CLVS1: variants seen among roughly 807,000 people sequenced by gnomAD.
CLVS1 encodes the protein clavesin-1.
In CLVS1, 10 loss-of-function variants were observed where a neutral mutation model predicts 33.1. That is an observed-to-expected ratio of 0.30 (90% CI 0.19 to 0.51). The LOEUF (loss-of-function observed/expected upper bound fraction) is 0.51, where lower values mean the gene tolerates loss of function less well. Among genes scored for constraint, CLVS1 ranks in the 20% least tolerant of loss-of-function variants. The pLI is 0.97. For missense variants in CLVS1, 343 were observed against 433.4 expected (o/e 0.79, Z 1.85); for synonymous variants, 163 against 166.1 (o/e 0.98, Z 0.14).
intron 3 of CLVS1, among the ~76,000 whole-genome samples, chr8:61,385,676 T>C (rs1243773714): frequency 6.6e-6 from 1 of 152,244 alleles, no homozygotes; most frequent in East Asian, 1.9e-4. Flanking sequence ...TCTGTCCATC[T>C]CTCAGTCTCA....
At chr8:61,338,041 G>A (rs948868180) in intron 2 of CLVS1, among the ~76,000 whole-genome samples, 1 of 152,080 alleles carries the variant, frequency 6.6e-6, no homozygotes, top group African/African-American at 2.4e-5. Flanking sequence ...TTGAGACTTG[G>A]CACCCTGATA....
At chr8:61,026,614 C>T in the CLVS1 span, among the ~76,000 whole-genome samples, 11 of 152,304 alleles carry the variant, frequency 7.2e-5, no homozygotes, top group Non-Finnish European at 1.6e-4. Flanking sequence ...CTGCTGAATC[C>T]TCCGCAAACC....
chr8:61,006,315 T>C, the CLVS1 span, among the ~76,000 whole-genome samples: 1 of 152,186 alleles, frequency 6.6e-6, no homozygotes, highest in Non-Finnish European at 1.5e-5. Flanking sequence ...GAGCCCTTGA[T>C]GGTTCTGCAG....
intron 2 of CLVS1, among the ~76,000 whole-genome samples, chr8:61,350,259 G>A (rs1269006227): frequency 6.6e-6 from 1 of 152,054 alleles, no homozygotes; most frequent in Non-Finnish European, 1.5e-5. Context: ...TCTCCTGAGG[G>A]TTTTTGACCA....
At chr8:61,223,100 C>T (rs1481676390) in intron 2 of CLVS1, among the ~76,000 whole-genome samples, 1 of 151,914 alleles carries the variant, frequency 6.6e-6, no homozygotes, top group Non-Finnish European at 1.5e-5. Flanking sequence ...CTCCTGAATA[C>T]AGCACACTGA....
At chr8:61,471,165 G>A (rs184531820) in intron 5 of CLVS1, among the ~76,000 whole-genome samples, 1 of 152,228 alleles carries the variant, frequency 6.6e-6, no homozygotes, top group Non-Finnish European at 1.5e-5. Context: ...ATAATACCTT[G>A]GGCAGGCCAT....
At chr8:61,373,309 C>T (rs1040685573) in intron 2 of CLVS1, among the ~76,000 whole-genome samples, 1 of 152,182 alleles carries the variant, frequency 6.6e-6, no homozygotes, top group East Asian at 1.9e-4. Context: ...TTCCTGCCTG[C>T]CCAGTTTCTC....
At position 61,324,316 on chromosome 8, in the gene CLVS1, G is replaced by A. The variant is rs529161107; in HGVS notation, c.455+24034G>A. 2.7e-5 allele frequency among the ~76,000 whole-genome samples: 4 copies of A among 150,720 alleles called. No individual in the cohort carries two copies. The South Asian group carries it at 8.5e-4, about 32-fold the overall frequency. ...GTGAATAAGTCTCATGAGATTGGAT[G>A]GTTTTATCAGGGGTTTCTGCTTTTG... On this transcript the variant is annotated intron_variant, in intron 2 of 5. Transcript: ENST00000325897.
chr8:61,357,600 G>T (rs1812790730), intron 2 of CLVS1, among the ~76,000 whole-genome samples: 1 of 141,564 alleles, frequency 7.1e-6, no homozygotes, highest in Non-Finnish European at 1.5e-5. Context: ...TCCCCTCCTA[G>T]GTTCAAGAGA....
chr8:61,252,966 A>T (rs1298423241), intron 2 of CLVS1, among the ~76,000 whole-genome samples: 1 of 152,060 alleles, frequency 6.6e-6, no homozygotes, highest in Non-Finnish European at 1.5e-5. Flanking sequence ...TGTCATTTTG[A>T]TGTTAGCTGG....
chr8:61,464,419 C>T (rs899227840), intron 5 of CLVS1, among the ~76,000 whole-genome samples: 1 of 152,200 alleles, frequency 6.6e-6, no homozygotes, highest in African/African-American at 2.4e-5. Context: ...CCCCCAACCC[C>T]CTGTCTTTAA....
the CLVS1 span, among the ~76,000 whole-genome samples, chr8:60,991,310 T>G: frequency 6.6e-6 from 1 of 152,186 alleles, no homozygotes; most frequent in Non-Finnish European, 1.5e-5. Context: ...GTCATATGTG[T>G]ATAGGCAGAA....
intron 2 of CLVS1, among the ~76,000 whole-genome samples, chr8:61,303,808 C>T (rs746279923): frequency 3.9e-5 from 6 of 152,114 alleles, no homozygotes; most frequent in Non-Finnish European, 8.8e-5. Context: ...AATGACATAA[C>T]GCACTGAAAA....
chr8:61,147,780 G>A (rs1372837229), intron 2 of CLVS1, among the ~76,000 whole-genome samples: 7 of 152,204 alleles, frequency 4.6e-5, no homozygotes, highest in Non-Finnish European at 8.8e-5. Context: ...TTATAAAAGT[G>A]AGTCTGTTAT....
intron 3 of CLVS1, among the ~76,000 whole-genome samples, chr8:61,398,332 C>T (rs891882868): frequency 6.6e-6 from 1 of 151,814 alleles, no homozygotes; most frequent in Admixed American, 6.6e-5. Flanking sequence ...CAGGTATGCA[C>T]CACAATGCCT....
intron 2 of CLVS1, among the ~76,000 whole-genome samples, chr8:61,322,828 C>T (rs986921678): frequency 1.5e-4 from 23 of 152,090 alleles, no homozygotes; most frequent in Non-Finnish European, 3.4e-4. Context: ...TCTTCCTTTA[C>T]CTAAAACACT....
chr8:60,994,038 G>A, the CLVS1 span, among the ~76,000 whole-genome samples: 5 of 152,186 alleles, frequency 3.3e-5, no homozygotes, highest in Non-Finnish European at 7.3e-5. Context: ...CTACCATTAT[G>A]ACGTGCCATA....
chr8:61,232,023 G>GTTTGTTTGTTTT, intron 2 of CLVS1, among the ~76,000 whole-genome samples: 8 of 62,658 alleles, frequency 1.3e-4, no homozygotes, highest in African/African-American at 3.8e-4. Flanking sequence ...GAAAGTTGTG[G>GTTTGTTTGTTTT]TTTTTTTTTT....
At chr8:61,168,057 C>T (rs1806915996) in intron 2 of CLVS1, among the ~76,000 whole-genome samples, 1 of 152,188 alleles carries the variant, frequency 6.6e-6, no homozygotes, top group Admixed American at 6.5e-5. Context: ...TCTATGGACT[C>T]ACCCTGAATT....
Sources: gnomAD v4.1 joint callset for allele counts (sites outside exome capture counted in the v4.1 genomes callset) on GRCh38, gnomAD v4.1.1 for gene constraint, MANE v1.5 for transcripts, NCBI Gene and HGNC (gene_info 2026-07-23, HGNC 2026-07-21) for gene names.